DYNC2H1: variants seen among roughly 807,000 people sequenced by gnomAD.
The protein encoded by DYNC2H1 is dynein cytoplasmic 2 heavy chain 1, also known as cytoplasmic dynein 2 heavy chain 1.
A neutral mutation model predicts 570.0 loss-of-function variants in DYNC2H1; 410 were observed. The ratio of observed to expected loss-of-function variants is 0.72; its 90% CI spans 0.66 to 0.78. The LOEUF (loss-of-function observed/expected upper bound fraction) is 0.78, where lower values mean the gene tolerates loss of function less well. DYNC2H1 is among the 30% of genes least tolerant of loss of function. The pLI, the probability that DYNC2H1 is intolerant of heterozygous loss-of-function variation, is 0.00. For missense variants in DYNC2H1, 4,865 were observed against 5,046.4 expected, an observed-to-expected ratio of 0.96 and a Z score of 1.09; for synonymous variants, 1,688 against 1,677.6, an observed-to-expected ratio of 1.01 and a Z score of -0.15.
chr11:103,307,604 G>A, intron 77 of DYNC2H1, 117 bp from the exon 78 acceptor site: 1 of 552,648 alleles, frequency 1.8e-6, no homozygotes, highest in Non-Finnish European at 3.1e-6. Context: ...AGAGCATTAA[G>A]AAATACATCA....
At chr11:103,221,898 A>G (rs1431563897) in intron 57 of DYNC2H1, 132 bp from the exon 58 acceptor site, 11 of 862,844 alleles carry the variant, frequency 1.3e-5, no homozygotes, top group Non-Finnish European at 1.8e-5. Context: ...TAGAAGCTTA[A>G]AGGTTTTAAT....
At position 103,205,863 on chromosome 11, in the gene DYNC2H1, G is replaced by A. The variant is rs755319856; in HGVS notation, c.8454+899G>A. On this transcript the variant is annotated intron_variant, in intron 52 of 88. Coordinates refer to ENST00000375735, the MANE Select transcript of DYNC2H1 (RefSeq NM_001377.3). The surrounding 1 kb of genome is among the most constrained non-coding windows in gnomAD (Gnocchi z 4.5). ...TGAGGGGAGAGTTGGTGAAGATGATGTCAGAGAACTAAGAGGAAACCAGTT... is the reference window on the plus strand; with the variant it reads ...TGAGGGGAGAGTTGGTGAAGATGATATCAGAGAACTAAGAGGAAACCAGTT... 2.0e-5 allele frequency among the ~76,000 whole-genome samples: 3 copies of A among 152,174 alleles called. No homozygotes were observed. Among genetic ancestry groups the A allele is most frequent in the Non-Finnish European group, 4.4e-5 (3 of 68,030 alleles).
chr11:103,288,041 A>G (rs58993965), intron 75 of DYNC2H1, among the ~76,000 whole-genome samples: 25,379 of 151,906 alleles, frequency 0.17, 2,290 homozygotes, highest in Admixed American at 0.25. Context: ...GGGGTTTTCA[A>G]GCGAGGTTTT....
chr11:103,446,130 A>T lies in DYNC2H1; in HGVS notation c.12457-9056A>T, dbSNP rs925869171. 2.0e-5 allele frequency among the ~76,000 whole-genome samples: 3 copies of T among 152,092 alleles called. No homozygotes were observed. Among genetic ancestry groups the T allele is most frequent in the African/African-American group, 7.2e-5 (3 of 41,402 alleles). On this transcript the variant is annotated intron_variant, in intron 85 of 88. Coordinates refer to ENST00000375735, the MANE Select transcript of DYNC2H1 (RefSeq NM_001377.3). This position sits in a 1 kb window ranked among gnomAD's most constrained non-coding sequence, Gnocchi z 4.5. ...TCTAATTTGAACATGATAAGTTTAG[A>T]TGTCTTTTAGACATCTTGGTGGAAA...
chr11:103,323,967 T>C lies in DYNC2H1; in HGVS notation c.12016T>C (p.Ser4006Pro). ...TCTGCCTGCCAATATCGCTCGCTCATCTCAGCGCATGATCAGTTCTCAGGT... is the reference window on the plus strand; with the variant it reads ...TCTGCCTGCCAATATCGCTCGCTCACCTCAGCGCATGATCAGTTCTCAGGT... ...FGLPANIARS[S>P]QRMISSQVIS... The change falls in exon 82 of 89, where the codon TCT becomes CCT. Residue 4006 changes from serine (S) to proline (P), a missense_variant. This residue lies in a region of DYNC2H1 where 2,401 missense variants were observed against 2,454.6 expected (regional missense o/e 0.98). Coordinates refer to ENST00000375735, the MANE Select transcript of DYNC2H1 (RefSeq NM_001377.3). 6.2e-7 allele frequency: 1 copy of C among 1,611,830 alleles called. No individual in the cohort carries two copies. The highest frequency in any genetic ancestry group is 1.1e-5 in the South Asian group (1 of 90,600).
chr11:103,160,971 T>C lies in DYNC2H1; in HGVS notation c.4418T>C (p.Ile1473Thr), dbSNP rs1555052511. The change falls in exon 29 of 89, where the codon ATA becomes ACA. Residue 1473 changes from isoleucine (I) to threonine (T), a missense_variant. This residue lies in a region of DYNC2H1 where 1,936 missense variants were observed against 1,962.1 expected (regional missense o/e 0.99). Coordinates refer to ENST00000375735, the MANE Select transcript of DYNC2H1 (RefSeq NM_001377.3). ...SVCFDEKSKHITAMKSLEGEV... is the reference protein window; with the variant it reads ...SVCFDEKSKHTTAMKSLEGEV... ...TGCTTTGATGAGAAATCAAAACATA[T>C]AACTGCAATGAAATCTTTAGAGGGA... 1 of 1,573,110 alleles carries C rather than the reference T, an allele frequency of 6.4e-7. No individual in the cohort carries two copies. Among genetic ancestry groups the C allele is most frequent in the Non-Finnish European group, 8.6e-7 (1 of 1,162,504 alleles).
rs1361760646 is a variant in DYNC2H1 at position 103,305,569 on chromosome 11, A to G, written c.11382+849A>G. Among the ~76,000 whole-genome samples the G allele has an allele frequency of 2.0e-5, 3 of 152,190 alleles. No homozygotes were observed. The highest frequency in any genetic ancestry group is 4.4e-5 in the Non-Finnish European group (3 of 68,038). ...TCCTTAACAGAGAAGTTAGTAATTA[A>G]TTAATTAATTAATTTTTTCTGGCAG... On this transcript the variant is annotated intron_variant, in intron 77 of 88. Coordinates refer to ENST00000375735, the MANE Select transcript of DYNC2H1 (RefSeq NM_001377.3). This position sits in a 1 kb window ranked among gnomAD's most constrained non-coding sequence, Gnocchi z 4.3.
intron 83 of DYNC2H1, among the ~76,000 whole-genome samples, chr11:103,389,333 G>T (rs1004950372): frequency 2.6e-5 from 4 of 152,088 alleles, no homozygotes; most frequent in Non-Finnish European, 5.9e-5. Flanking sequence ...TATTTCTGTG[G>T]GATCGGTGGT....
chr11:103,144,597 T>G (rs1860141017), intron 18 of DYNC2H1, among the ~76,000 whole-genome samples: 1 of 152,188 alleles, frequency 6.6e-6, no homozygotes, highest in African/African-American at 2.4e-5. Flanking sequence ...ATTGAAATTG[T>G]TATTAGAGTT....
intron 63 of DYNC2H1, among the ~76,000 whole-genome samples, chr11:103,242,081 C>T (rs1864443428): frequency 6.6e-6 from 1 of 151,896 alleles, no homozygotes; most frequent in South Asian, 2.1e-4. Flanking sequence ...TGTTCCAAGA[C>T]CCTCAGTGGA....
chr11:103,182,504 C>T (rs1861894865), intron 40 of DYNC2H1, among the ~76,000 whole-genome samples: 2 of 151,764 alleles, frequency 1.3e-5, no homozygotes, highest in South Asian at 4.2e-4. Context: ...CAAGGTAATT[C>T]CTTTCCTTGA....
chr11:103,116,672 C>T lies in DYNC2H1; in HGVS notation c.724C>T (p.His242Tyr), dbSNP rs779252746. 1 of 1,606,566 alleles carries T rather than the reference C, an allele frequency of 6.2e-7. No homozygotes were observed. Among genetic ancestry groups the T allele is most frequent in the South Asian group, 1.1e-5 (1 of 89,812 alleles). The change falls in exon 5 of 89, where the codon CAT becomes TAT. Residue 242 changes from histidine (H) to tyrosine (Y), a missense_variant. Physicochemically the swap from His to Tyr is moderately conservative, Grantham distance 83. Transcript: ENST00000375735. ...TGTGTGGAGACAAACAGAACATGAT[C>T]ATTATCCTGAGTCACGAATGTTGCA... ...DDVWRQTEHDHYPESRMLHLL... is the reference protein window; with the variant it reads ...DDVWRQTEHDYYPESRMLHLL...
At chr11:103,431,075 TGAGA>T (rs1029947481) in intron 84 of DYNC2H1, among the ~76,000 whole-genome samples, 9 of 152,212 alleles carry the variant, frequency 5.9e-5, no homozygotes, top group African/African-American at 2.2e-4. Flanking sequence ...AATTGAGATT[TGAGA>T]GAGAGTGAGT....
chr11:103,448,216 A>G (rs1165740401), intron 85 of DYNC2H1, among the ~76,000 whole-genome samples: 3 of 152,172 alleles, frequency 2.0e-5, no homozygotes, highest in African/African-American at 7.2e-5. Flanking sequence ...GGAGGAGCTT[A>G]CTACATTATC....
intron 28 of DYNC2H1, among the ~76,000 whole-genome samples, chr11:103,160,458 A>G (rs926823238): frequency 2.0e-5 from 3 of 152,050 alleles, no homozygotes; most frequent in Admixed American, 6.6e-5. Flanking sequence ...GCTAAGTCAT[A>G]TAGTAAATAT....
chr11:103,448,183 G>T (rs1305419441), intron 85 of DYNC2H1, among the ~76,000 whole-genome samples: 1 of 152,010 alleles, frequency 6.6e-6, no homozygotes, highest in African/African-American at 2.4e-5. Context: ...AAGGATAATA[G>T]TAAGCAAATC....
At chr11:103,260,839 G>A (rs962432049) in intron 70 of DYNC2H1, among the ~76,000 whole-genome samples, 9 of 151,732 alleles carry the variant, frequency 5.9e-5, no homozygotes, top group South Asian at 2.1e-4. Context: ...AGGGTGTCTC[G>A]AACTCCTGGC....
chr11:103,240,057 A>C (rs951321365), intron 63 of DYNC2H1, among the ~76,000 whole-genome samples: 2 of 152,150 alleles, frequency 1.3e-5, no homozygotes, highest in African/African-American at 4.8e-5. Context: ...TCCAGTGGCC[A>C]GTTATAGCAC....
chr11:103,400,242 T>C (rs1942582605), intron 84 of DYNC2H1, among the ~76,000 whole-genome samples: 1 of 152,154 alleles, frequency 6.6e-6, no homozygotes, highest in Non-Finnish European at 1.5e-5. Context: ...CACACAAAAA[T>C]CTTAGGATTT....
Sources: allele counts gnomAD v4.1 joint callset (sites outside exome capture counted in the v4.1 genomes callset), GRCh38; gene constraint gnomAD v4.1.1; regional missense constraint gnomAD v4.1.1; non-coding constraint Gnocchi (gnomAD v3.1); transcripts MANE v1.5; gene names NCBI Gene and HGNC (gene_info 2026-07-23, HGNC 2026-07-21).